Variants in ADAMTS5 observed in about 807,000 individuals in gnomAD.
ADAMTS5 encodes ADAM metallopeptidase with thrombospondin type 1 motif 5, also known as A disintegrin and metalloproteinase with thrombospondin motifs 5.
Under a neutral mutation model 81.4 loss-of-function variants are expected in ADAMTS5, and 54 were observed. The ratio of observed to expected loss-of-function variants is 0.66; its 90% CI spans 0.53 to 0.83. The LOEUF is 0.83. Among genes scored for constraint, ADAMTS5 ranks in the 40% least tolerant of loss-of-function variants. The pLI, the probability that ADAMTS5 is intolerant of heterozygous loss-of-function variation, is 0.00. For missense variants in ADAMTS5, 1,194 were observed against 1,229.9 expected (o/e 0.97, Z 0.44); for synonymous variants, 532 against 508.8 (o/e 1.05, Z -0.61).
intron 2 of ADAMTS5, among the ~76,000 whole-genome samples, chr21:26,946,075 C>G (rs1473180935): frequency 2.0e-5 from 3 of 152,196 alleles, no homozygotes; most frequent in African/African-American, 7.2e-5. Context: ...AACACTTAAG[C>G]ACCCAAAGTA....
chr21:26,959,305 G>A (rs1173330189), intron 1 of ADAMTS5, among the ~76,000 whole-genome samples: 1 of 152,128 alleles, frequency 6.6e-6, no homozygotes, highest in African/African-American at 2.4e-5. Context: ...TTAACATCAG[G>A]AGTTTGGTCC....
rs751508752 is a variant in ADAMTS5, at chr21:26,924,016, C to T, written c.*37G>A. 34 of 1,549,932 alleles carry T rather than the reference C, an allele frequency of 2.2e-5. No homozygotes were observed. Among genetic ancestry groups the T allele is most frequent in the Middle Eastern group, 1.7e-4 (1 of 5,778 alleles). On this transcript the variant is annotated 3_prime_UTR_variant, in exon 8 of 8. Transcript: ENST00000284987. ...ACCACGACTGCATCAGTGCTGAATC[C>T]TCCAGTTATCTTTGTGCATAAGATC...
chr21:26,959,065 C>G (rs1387721005), intron 1 of ADAMTS5, among the ~76,000 whole-genome samples: 4 of 152,044 alleles, frequency 2.6e-5, no homozygotes, highest in Admixed American at 6.6e-5. Context: ...GCCCAGAGTT[C>G]CAAGTCAGGA....
intron 1 of ADAMTS5, among the ~76,000 whole-genome samples, chr21:26,960,659 G>C (rs964989514): frequency 3.3e-5 from 5 of 152,160 alleles, no homozygotes; most frequent in African/African-American, 1.2e-4. Context: ...GGACTTTCTG[G>C]ACTCCAGAAC....
chr21:26,938,076 C>T (rs918400928), intron 3 of ADAMTS5, among the ~76,000 whole-genome samples: 6 of 151,912 alleles, frequency 3.9e-5, no homozygotes, highest in Non-Finnish European at 5.9e-5. Context: ...CCTGTCTGTA[C>T]TAAAAATACA....
At chr21:26,929,438 C>A (rs1202835551) in intron 7 of ADAMTS5, among the ~76,000 whole-genome samples, 1 of 152,166 alleles carries the variant, frequency 6.6e-6, no homozygotes, top group Non-Finnish European at 1.5e-5. Context: ...TTGCCCACAC[C>A]ATTGCAATGA....
At chr21:26,926,588 G>A (rs1002645782) in intron 7 of ADAMTS5, among the ~76,000 whole-genome samples, 3 of 151,360 alleles carry the variant, frequency 2.0e-5, no homozygotes, top group African/African-American at 7.3e-5. Context: ...CAGGAGAATC[G>A]CTTGAACCTG....
Position 26,934,624 on chromosome 21 carries a change from T to G in ADAMTS5, c.1531A>C (p.Met511Leu). 1.2e-6 allele frequency: 2 copies of G among 1,614,152 alleles called. No individual in the cohort carries two copies. The highest frequency in any genetic ancestry group is 1.7e-6 in the Non-Finnish European group (2 of 1,180,026). ...CACCACAGGCGAGCACAGACATCCA[T>G]GCCGGGACACACGGAGTACTCAGGC... ...FGPEYSVCPG[M>L]DVCARLWCAV... is the part of the protein sequence containing the mutation. The change falls in exon 4 of 8, where the codon ATG becomes CTG. Residue 511 changes from methionine to leucine, a missense_variant. Physicochemically the swap from Met to Leu is conservative, Grantham distance 15 (BLOSUM62 2). Around this residue, in one of 2 missense-constraint regions of ADAMTS5, gnomAD observed 696 missense variants for 817.6 expected, o/e 0.85. Transcript: ENST00000284987.
At chr21:26,952,286 T>G (rs1250156974) in intron 2 of ADAMTS5, among the ~76,000 whole-genome samples, 2 of 152,246 alleles carry the variant, frequency 1.3e-5, no homozygotes, top group Non-Finnish European at 2.9e-5. Flanking sequence ...TCCTACGTTG[T>G]TTCCTTGTAT....
At chr21:26,950,790 G>A (rs577823672) in intron 2 of ADAMTS5, among the ~76,000 whole-genome samples, 3 of 152,130 alleles carry the variant, frequency 2.0e-5, no homozygotes, top group East Asian at 1.9e-4. Flanking sequence ...ATTTAATGCC[G>A]TGGGTAGAAA....
intron 3 of ADAMTS5, 110 bp downstream of exon 3, chr21:26,943,270 C>A: frequency 9.0e-7 from 1 of 1,116,066 alleles, no homozygotes; most frequent in Non-Finnish European, 1.3e-6. Flanking sequence ...ACTATCCACA[C>A]AACTATTGTC....
chr21:26,944,095 A>G (rs1189197035), intron 2 of ADAMTS5, among the ~76,000 whole-genome samples: 1 of 152,188 alleles, frequency 6.6e-6, no homozygotes, highest in African/African-American at 2.4e-5. Context: ...ACTAGGGGAG[A>G]CAAAGAAAGA....
chr21:26,960,870 G>A lies in ADAMTS5; in HGVS notation c.1104+4418C>T, dbSNP rs575859260. Among the ~76,000 whole-genome samples the A allele has an allele frequency of 7.2e-4, 110 of 152,160 alleles. 2 individuals carry two copies. Among genetic ancestry groups the A allele is most frequent in the Admixed American group, 2.1e-3 (32 of 15,296 alleles). ...TCTGCAATGCCTATCTCCTCCTTAC[G>A]TATCTGGCTAACTCCCACTCTTTCT... On this transcript the variant is annotated intron_variant, in intron 1 of 7. Transcript: ENST00000284987.
intron 1 of ADAMTS5, among the ~76,000 whole-genome samples, chr21:26,960,078 C>T (rs1413744054): frequency 6.6e-6 from 1 of 152,160 alleles, no homozygotes; most frequent in African/African-American, 2.4e-5. Flanking sequence ...AATATTTTGG[C>T]CTCTGAAGCT....
chr21:26,955,423 T>C (rs1987406137), intron 1 of ADAMTS5, among the ~76,000 whole-genome samples: 3 of 152,218 alleles, frequency 2.0e-5, no homozygotes, highest in South Asian at 4.1e-4. Flanking sequence ...CTGAAATCTG[T>C]ACCTTCTTAC....
intron 2 of ADAMTS5, among the ~76,000 whole-genome samples, chr21:26,950,462 C>G (rs1322877828): frequency 6.6e-6 from 1 of 152,168 alleles, no homozygotes; most frequent in Admixed American, 6.5e-5. Context: ...TGCCTCCACT[C>G]GAGGAACATG....
rs1601009457 is a variant in ADAMTS5, at chr21:26,943,657, A to C, written c.1238-110T>G. The stretch of plus-strand genomic sequence containing the variant: ...TTTTCCCCTAATTGTAGATGAGTTC[A>C]CTTTAACTGCTTTCTCACCCAGAGA... On this transcript the variant is annotated intron_variant, in intron 2 of 7. Coordinates refer to ENST00000284987, the MANE Select transcript of ADAMTS5 (RefSeq NM_007038.5). The C allele has an allele frequency of 2.5e-5, 24 of 973,256 alleles. No individual in the cohort carries two copies. The East Asian group carries it at 6.6e-4, about 27-fold the overall frequency. The allele number at this position is 973,256 out of a possible 1,614,324, so 60.3% of individuals were successfully genotyped here.
intron 2 of ADAMTS5, among the ~76,000 whole-genome samples, chr21:26,950,448 T>C (rs776834596): frequency 6.6e-6 from 1 of 152,242 alleles, no homozygotes; most frequent in Non-Finnish European, 1.5e-5. Context: ...TGTAAACACA[T>C]TCCTGCCTCC....
In ADAMTS5 at chr21:26,924,435, G is replaced by A. The variant is rs761094725; in HGVS notation, c.2411C>T (p.Thr804Ile). 2 of 1,614,224 alleles carry A rather than the reference G, an allele frequency of 1.2e-6. No homozygotes were observed. Among genetic ancestry groups the A allele is most frequent in the South Asian group, 1.1e-5 (1 of 91,088 alleles). The change falls in exon 8 of 8, where the codon ACA becomes ATA. Residue 804 changes from threonine (T) to isoleucine (I), a missense_variant. Physicochemically the swap from Thr to Ile is moderately conservative, Grantham distance 89. Transcript: ENST00000284987. ...TSETIIDING[T>I]VMNYSGWSHR... The stretch of plus-strand genomic sequence containing the variant: ...GCTCCAACCGCTATAGTTCATGACT[G>A]TTCCATTGATGTCAATGATAGTCTC...
Sources: gnomAD v4.1 joint callset for allele counts (sites outside exome capture counted in the v4.1 genomes callset) on GRCh38, gnomAD v4.1.1 for gene constraint, gnomAD v4.1.1 regional missense constraint, MANE v1.5 for transcripts, NCBI Gene and HGNC (gene_info 2026-07-23, HGNC 2026-07-21) for gene names.